Variants in PCTP observed in about 807,000 individuals in gnomAD.
The protein encoded by PCTP is START domain-containing protein 2.
In PCTP, 27 loss-of-function variants were observed where a neutral mutation model predicts 31.0. That is an observed-to-expected ratio of 0.87 (90% CI 0.64 to 1.20). The LOEUF (loss-of-function observed/expected upper bound fraction) is 1.20, where lower values mean the gene tolerates loss of function less well. PCTP is among the 50% of genes most tolerant of loss of function. The pLI is 0.00. For synonymous variants in PCTP, 108 were observed against 101.2 expected (o/e 1.07, Z -0.40); for missense variants, 287 against 268.2 (o/e 1.07, Z -0.49).
chr17:55,826,953 T>A (rs1015283224), downstream of PCTP, among the ~76,000 whole-genome samples: 8 of 152,162 alleles, frequency 5.3e-5, no homozygotes, highest in Non-Finnish European at 2.9e-5. Context: ...AGATTTTTTG[T>A]TTGTTGTTTA....
rs796068019 is a variant in PCTP at position 55,776,623 on chromosome 17, A to T, written c.*523A>T. ...GTGCACCCAAACTGGATGACGTGCC[A>T]ATGTCCATTTGCCTTATGCTTTGTG... is the stretch of plus-strand genomic sequence containing the variant. On this transcript the variant is annotated 3_prime_UTR_variant, in exon 6 of 6. Coordinates refer to ENST00000268896, the MANE Select transcript of PCTP (RefSeq NM_021213.4). 8.1e-7 allele frequency: 1 copy of T among 1,230,502 alleles called. No individual in the cohort carries two copies. The highest frequency in any genetic ancestry group is 1.0e-6 in the Non-Finnish European group (1 of 987,886). The allele number at this position is 1,230,502 out of a possible 1,614,324, so 76.2% of individuals were successfully genotyped here. A position where few individuals can be genotyped will look rare whatever the true frequency, so the allele number is the denominator to read the frequency against.
chr17:55,774,450 T>C (rs999610515), intron 4 of PCTP, among the ~76,000 whole-genome samples: 15 of 152,218 alleles, frequency 9.9e-5, no homozygotes, highest in Non-Finnish European at 1.8e-4. Flanking sequence ...ATATGTCACC[T>C]AATTTTTATG....
chr17:55,846,353 A>G (rs1441835392), downstream of PCTP, among the ~76,000 whole-genome samples: 3 of 152,224 alleles, frequency 2.0e-5, no homozygotes, highest in East Asian at 5.8e-4. Context: ...GAAAACAGGT[A>G]CACTCCCTGC....
chr17:55,834,386 T>C (rs1241392228), intron 5 of PCTP, among the ~76,000 whole-genome samples: 2 of 152,090 alleles, frequency 1.3e-5, no homozygotes, highest in East Asian at 3.9e-4. Flanking sequence ...CAGTGTGTGT[T>C]GTTCCCCTCC....
chr17:55,848,013 C>T, the PCTP span, among the ~76,000 whole-genome samples: 1 of 152,236 alleles, frequency 6.6e-6, no homozygotes, highest in South Asian at 2.1e-4. Flanking sequence ...ACCTCCACCT[C>T]CCAGGTTCAA....
intron 5 of PCTP, among the ~76,000 whole-genome samples, chr17:55,838,936 T>C (rs1211056241): frequency 3.3e-5 from 5 of 152,178 alleles, no homozygotes; most frequent in African/African-American, 9.7e-5. Flanking sequence ...CGGGGGAAAC[T>C]GGAAGGCATT....
intron 4 of PCTP, 123 bp from the exon 5 acceptor site, chr17:55,774,669 A>T (rs572987440): frequency 7.9e-6 from 6 of 760,010 alleles, no homozygotes; most frequent in Non-Finnish European, 1.3e-5. Context: ...CATCTGAATT[A>T]TATGCTACCT....
At chr17:55,835,242 C>T (rs1905739929) in intron 5 of PCTP, among the ~76,000 whole-genome samples, 1 of 152,154 alleles carries the variant, frequency 6.6e-6, no homozygotes, top group Non-Finnish European at 1.5e-5. Context: ...TAAATGCCTG[C>T]CATCCCAAGC....
chr17:55,794,419 G>C (rs1394060690), intron 3 of PCTP, among the ~76,000 whole-genome samples: 1 of 150,954 alleles, frequency 6.6e-6, no homozygotes, highest in African/African-American at 2.4e-5. Context: ...TCTAAAATTT[G>C]TTTAACCCGT....
At chr17:55,815,756 C>T (rs184488927) in intron 3 of PCTP, among the ~76,000 whole-genome samples, 4 of 152,170 alleles carry the variant, frequency 2.6e-5, no homozygotes, top group African/African-American at 9.7e-5. Context: ...GCATCGGGAA[C>T]CTGCCAACAG....
intron 3 of PCTP, 89 bp from the exon 4 acceptor site, chr17:55,773,635 A>G (rs994804282): frequency 2.0e-5 from 26 of 1,305,052 alleles, no homozygotes; most frequent in Non-Finnish European, 2.5e-5. Flanking sequence ...GAGGCACAGA[A>G]TCACCTCCCT....
chr17:55,789,655 C>T (rs915737934), intron 3 of PCTP, among the ~76,000 whole-genome samples: 1 of 152,158 alleles, frequency 6.6e-6, no homozygotes, highest in African/African-American at 2.4e-5. Flanking sequence ...ATTCTCACTG[C>T]ACCGTGTTAT....
intron 3 of PCTP, among the ~76,000 whole-genome samples, chr17:55,799,442 C>T (rs1912301089): frequency 6.8e-6 from 1 of 147,076 alleles, no homozygotes; most frequent in South Asian, 2.2e-4. Context: ...ATTCCTCCAT[C>T]CCTTTGTTTT....
intron 3 of PCTP, among the ~76,000 whole-genome samples, chr17:55,812,557 G>A (rs1912787048): frequency 6.6e-6 from 1 of 152,180 alleles, no homozygotes; most frequent in African/African-American, 2.4e-5. Context: ...AAAGTGTGAG[G>A]TCAATGATTT....
intron 1 of PCTP, among the ~76,000 whole-genome samples, chr17:55,756,151 T>A (rs1241567426): frequency 6.6e-6 from 1 of 152,226 alleles, no homozygotes; most frequent in Non-Finnish European, 1.5e-5. Context: ...TCCCATGTGC[T>A]ACTGTCTTCA....
In PCTP at chr17:55,807,894, T is replaced by C. The variant is rs965643255; in HGVS notation, c.318-14867T>C. On this transcript the variant is annotated intron_variant, in intron 3 of 3. Transcript: ENST00000572536. ...CTTCTAATTTTTTTGGTACAAAGCA[T>C]TTTCACATTCATTATCTTATTATAA... Among the ~76,000 whole-genome samples, 159 of 152,294 alleles carry C rather than the reference T, an allele frequency of 1.0e-3. 1 individual carries two copies. Among genetic ancestry groups the C allele is most frequent in the African/African-American group, 3.7e-3 (155 of 41,562 alleles).
At chr17:55,756,650 T>C (rs544415451) in intron 1 of PCTP, among the ~76,000 whole-genome samples, 4 of 152,284 alleles carry the variant, frequency 2.6e-5, no homozygotes, top group South Asian at 2.1e-4. Context: ...CTCTCTACTT[T>C]CGTGTATGTT....
In PCTP at chr17:55,776,227, C is replaced by T. The variant is rs1911323261; in HGVS notation, c.*127C>T. Reference sequence around the variant, plus strand: ...CTCTGGAAGAGCACCCACCACTGTTCAGCCTTCCCCTGCTGTTTCTGTCTT... The same window carrying T: ...CTCTGGAAGAGCACCCACCACTGTTTAGCCTTCCCCTGCTGTTTCTGTCTT... On this transcript the variant is annotated 3_prime_UTR_variant, in exon 6 of 6. Transcript: ENST00000268896. 1.1e-5 allele frequency: 16 copies of T among 1,471,724 alleles called. No individual in the cohort carries two copies. Among genetic ancestry groups the T allele is most frequent in the Non-Finnish European group, 1.3e-5 (14 of 1,112,118 alleles). The allele number at this position is 1,471,724 out of a possible 1,614,324, so 91.2% of individuals were successfully genotyped here.
intron 3 of PCTP, among the ~76,000 whole-genome samples, chr17:55,772,578 CAAAAA>C (rs35394658): frequency 2.5e-5 from 2 of 78,586 alleles, no homozygotes; most frequent in Non-Finnish European, 2.7e-5. Context: ...GACTCTGTCT[CAAAAA>C]AAAAAAAAAA....
Sources: gnomAD v4.1 joint callset for allele counts (sites outside exome capture counted in the v4.1 genomes callset) on GRCh38, gnomAD v4.1.1 for gene constraint, MANE v1.5 for transcripts, NCBI Gene and HGNC (gene_info 2026-07-23, HGNC 2026-07-21) for gene names.